Variants in SRP54 observed in about 807,000 individuals in gnomAD.
The protein encoded by SRP54 is signal recognition particle 54.
Under a neutral mutation model 64.8 loss-of-function variants are expected in SRP54, and 10 were observed. The ratio of observed to expected loss-of-function variants is 0.15; its 90% CI spans 0.10 to 0.26. The LOEUF (loss-of-function observed/expected upper bound fraction) is 0.26. SRP54 is among the 10% of genes least tolerant of loss of function. The pLI is 1.00. For missense variants in SRP54, 325 were observed against 613.7 expected, an observed-to-expected ratio of 0.53 and a Z score of 4.97; for synonymous variants, 193 against 185.6, an observed-to-expected ratio of 1.04 and a Z score of -0.32.
chr14:35,027,447 T>G lies in SRP54; in HGVS notation c.1328-641T>G, dbSNP rs144618886. Reference sequence around the variant, plus strand: ...CCCCTGTATCACTATTAAGCCGTTGTTATAGCTTACTATTAAAAACTGCTG... The same window carrying G: ...CCCCTGTATCACTATTAAGCCGTTGGTATAGCTTACTATTAAAAACTGCTG... On this transcript the variant is annotated intron_variant, in intron 14 of 15. Transcript: ENST00000216774. 3.9e-3 allele frequency among the ~76,000 whole-genome samples: 597 copies of G among 152,320 alleles called. 5 individuals carry two copies. Among genetic ancestry groups the G allele is most frequent in the African/African-American group, 0.014 (579 of 41,578 alleles).
chr14:35,014,290 T>TTTTTTTTTTTTTTGTTTTTG (rs376712278), intron 10 of SRP54, among the ~76,000 whole-genome samples: 1 of 127,284 alleles, frequency 7.9e-6, no homozygotes, highest in Non-Finnish European at 1.7e-5. Context: ...TTTTTTTTTT[T>TTTTTTTTTTTTTTGTTTTTG]TTTTGAGACG....
intron 13 of SRP54, among the ~76,000 whole-genome samples, chr14:35,022,050 T>C (rs996303895): frequency 3.9e-5 from 6 of 152,144 alleles, no homozygotes; most frequent in African/African-American, 1.4e-4. Context: ...TTATAGGAAA[T>C]AATTTTTCTG....
intron 7 of SRP54, among the ~76,000 whole-genome samples, chr14:35,010,315 G>A (rs1389497194): frequency 6.6e-6 from 1 of 151,948 alleles, no homozygotes; most frequent in Non-Finnish European, 1.5e-5. Context: ...ACGTGGTGGC[G>A]TGTGCCTGTA....
chr14:34,988,239 A>T (rs2043927392), intron 1 of SRP54, among the ~76,000 whole-genome samples: 1 of 152,124 alleles, frequency 6.6e-6, no homozygotes, highest in African/African-American at 2.4e-5. Context: ...TTTGAAAGTC[A>T]TAATTAACAT....
chr14:35,023,821 C>CACACA (rs1466907103), intron 14 of SRP54, among the ~76,000 whole-genome samples: 1 of 151,174 alleles, frequency 6.6e-6, no homozygotes, highest in Non-Finnish European at 1.5e-5. Context: ...CACACACACA[C>CACACA]ACTTCTTCTG....
At chr14:35,018,671 A>G (rs1301580058) in intron 11 of SRP54, 21 bp from the exon 12 acceptor site, 17 of 1,592,904 alleles carry the variant, frequency 1.1e-5, no homozygotes, top group Non-Finnish European at 1.4e-5. Flanking sequence ...ATATATCCGA[A>G]TTATTTACAT....
chr14:35,005,653 C>T (rs1403805646), intron 4 of SRP54, among the ~76,000 whole-genome samples: 1 of 152,086 alleles, frequency 6.6e-6, no homozygotes, highest in Non-Finnish European at 1.5e-5. Flanking sequence ...CCTTTGTCCC[C>T]CCGCTGAAAG....
intron 1 of SRP54, among the ~76,000 whole-genome samples, chr14:34,984,929 A>G (rs1212107993): frequency 2.8e-5 from 4 of 141,402 alleles, no homozygotes; most frequent in African/African-American, 7.9e-5. Flanking sequence ...TTTTTTCACT[A>G]TGACATATGT....
chr14:35,014,324 C>G (rs988751523), intron 10 of SRP54, among the ~76,000 whole-genome samples: 1 of 139,240 alleles, frequency 7.2e-6, no homozygotes, highest in African/African-American at 2.6e-5. Flanking sequence ...GTCACCCAGG[C>G]TGGAGTGCAA....
intron 10 of SRP54, among the ~76,000 whole-genome samples, chr14:35,014,485 G>A (rs1023936797): frequency 2.0e-5 from 3 of 151,754 alleles, no homozygotes; most frequent in Non-Finnish European, 2.9e-5. Context: ...TCACCATGTT[G>A]GCCAGGCTAG....
At chr14:35,025,971 C>G (rs541448363) in intron 14 of SRP54, among the ~76,000 whole-genome samples, 2 of 151,304 alleles carry the variant, frequency 1.3e-5, no homozygotes, top group Non-Finnish European at 3.0e-5. Context: ...CAGGAGGATC[C>G]CATGAGCCCA....
chr14:35,015,968 T>C (rs1456399438), intron 11 of SRP54, among the ~76,000 whole-genome samples: 4 of 152,226 alleles, frequency 2.6e-5, no homozygotes, highest in Non-Finnish European at 5.9e-5. Flanking sequence ...CGTTGTCTTA[T>C]CAATGAATAT....
chr14:34,984,908 C>CTTT (rs34789836), intron 1 of SRP54, among the ~76,000 whole-genome samples: 2 of 141,518 alleles, frequency 1.4e-5, no homozygotes, highest in Non-Finnish European at 3.1e-5. Context: ...CTTCACCTTC[C>CTTT]TTTTTTTTTT....
chr14:35,026,528 C>G (rs77262907), intron 14 of SRP54, among the ~76,000 whole-genome samples: 26,020 of 152,130 alleles, frequency 0.17, 2,407 homozygotes, highest in East Asian at 0.31. Flanking sequence ...CCCACCTCAC[C>G]CAGGCTGCAT....
At chr14:34,991,679 G>A (rs1374079351) in intron 1 of SRP54, among the ~76,000 whole-genome samples, 1 of 149,458 alleles carries the variant, frequency 6.7e-6, no homozygotes, top group African/African-American at 2.5e-5. Context: ...ATGTGTAGCA[G>A]CAATAGCAAG....
intron 8 of SRP54, among the ~76,000 whole-genome samples, chr14:35,012,217 CAAAAAA>C (rs60971433): frequency 9.3e-6 from 1 of 107,310 alleles, no homozygotes; most frequent in Non-Finnish European, 1.9e-5. Context: ...ACTCCATCTC[CAAAAAA>C]AAAAAAAAAA....
At chr14:34,990,727 G>T (rs919988987) in intron 1 of SRP54, among the ~76,000 whole-genome samples, 1 of 152,186 alleles carries the variant, frequency 6.6e-6, no homozygotes, top group Non-Finnish European at 1.5e-5. Flanking sequence ...GTACATATTA[G>T]AACAAGGTGA....
chr14:34,992,711 G>A (rs1471661454), intron 1 of SRP54, among the ~76,000 whole-genome samples: 41 of 152,108 alleles, frequency 2.7e-4, no homozygotes, highest in Admixed American at 2.7e-3. Context: ...TTTGGGTCAT[G>A]TGTGTATAAG....
intron 2 of SRP54, among the ~76,000 whole-genome samples, chr14:34,997,591 A>C (rs1326578572): frequency 1.3e-5 from 2 of 152,218 alleles, no homozygotes; most frequent in East Asian, 3.8e-4. Context: ...TTAAGTTTCA[A>C]ATAAACTTTC....
Sources: allele counts gnomAD v4.1 joint callset (sites outside exome capture counted in the v4.1 genomes callset), GRCh38; gene constraint gnomAD v4.1.1; transcripts MANE v1.5; gene names NCBI Gene and HGNC (gene_info 2026-07-23, HGNC 2026-07-21).